The following SYNE2 variants were observed in gnomAD, a reference collection of about 807,000 sequenced individuals.
SYNE2 encodes the protein spectrin repeat containing nuclear envelope protein 2, also known as nesprin-2.
In SYNE2, 431 loss-of-function variants were observed where a neutral mutation model predicts 856.3. That is an observed-to-expected ratio of 0.50 (90% CI 0.47 to 0.55). The LOEUF is 0.55. Ranked by LOEUF, SYNE2 falls within the 20% of genes least tolerant of loss-of-function variation. The pLI, the probability that SYNE2 is intolerant of heterozygous loss-of-function variation, is 0.00. For synonymous variants in SYNE2, 2,923 were observed against 2,872.3 expected (o/e 1.02, Z -0.56); for missense variants, 8,129 against 8,023.2 (o/e 1.01, Z -0.50).
chr14:64,225,617 T>G lies in SYNE2; in HGVS notation c.*91T>G. The G allele has an allele frequency of 7.1e-7, 1 of 1,400,632 alleles. No individual in the cohort carries two copies. The highest frequency in any genetic ancestry group is 1.0e-6 in the Non-Finnish European group (1 of 1,003,930). The allele number at this position is 1,400,632 out of a possible 1,614,324, so 86.8% of individuals were successfully genotyped here. Reference sequence around the variant, plus strand: ...CAGACCAATCTGAGTGACTTAGTGTTGGCAAGGTCCCGGGACCTGTGCAGA... The same window carrying G: ...CAGACCAATCTGAGTGACTTAGTGTGGGCAAGGTCCCGGGACCTGTGCAGA... On this transcript the variant is annotated 3_prime_UTR_variant, in exon 116 of 116. Transcript: ENST00000555002.
intron 46 of SYNE2, 141 bp downstream of exon 46, chr14:64,048,296 A>G (rs543244372): frequency 2.8e-6 from 2 of 704,424 alleles, no homozygotes; most frequent in Non-Finnish European, 4.7e-6. Flanking sequence ...TGGTAACTGT[A>G]TAATTATGTA....
At chr14:64,047,940 A>T (rs1014495714) in intron 45 of SYNE2, 60 bp from the exon 46 acceptor site, 2 of 1,566,114 alleles carry the variant, frequency 1.3e-6, no homozygotes. Context: ...ATCAAGAAAA[A>T]TAAAAAGGAT....
At chr14:64,167,150 T>C (rs2098384523) in intron 90 of SYNE2, 83 bp from the exon 91 acceptor site, 3 of 1,585,378 alleles carry the variant, frequency 1.9e-6, no homozygotes, top group Non-Finnish European at 2.6e-6. Context: ...AGTTTTCCTT[T>C]ATCTTTGAGG....
At chr14:63,955,229 G>A (rs974833372) in intron 8 of SYNE2, among the ~76,000 whole-genome samples, 26 of 151,952 alleles carry the variant, frequency 1.7e-4, no homozygotes, top group African/African-American at 6.3e-4. Flanking sequence ...AATCTCTTTT[G>A]TAAGATGTTT....
At chr14:64,150,641 C>T (rs2098233817) in intron 84 of SYNE2, among the ~76,000 whole-genome samples, 1 of 152,118 alleles carries the variant, frequency 6.6e-6, no homozygotes, top group Non-Finnish European at 1.5e-5. Flanking sequence ...GGAATTATGA[C>T]AGCTTATTAG....
chr14:64,180,312 G>A (rs1337207872), intron 96 of SYNE2, among the ~76,000 whole-genome samples: 1 of 152,102 alleles, frequency 6.6e-6, no homozygotes, highest in Non-Finnish European at 1.5e-5. Flanking sequence ...ATGTCCCTGG[G>A]TCTTTGATCT....
intron 1 of SYNE2, among the ~76,000 whole-genome samples, chr14:63,890,141 G>A (rs2095097492): frequency 6.8e-6 from 1 of 147,112 alleles, no homozygotes; most frequent in Non-Finnish European, 1.5e-5. Context: ...GCTTACTGCA[G>A]CTTCGTCCTG....
intron 1 of SYNE2, among the ~76,000 whole-genome samples, chr14:63,906,470 A>G (rs958668500): frequency 3.9e-5 from 6 of 152,060 alleles, no homozygotes; most frequent in African/African-American, 9.7e-5. Context: ...AAAAAAAATT[A>G]TTATTGGTTC....
At chr14:64,202,161 G>C (rs2098573644) in intron 99 of SYNE2, 2 of 702,084 alleles carry the variant, frequency 2.8e-6, no homozygotes, top group Non-Finnish European at 5.2e-6. Flanking sequence ...CTTGCGTGCA[G>C]ATTTCCTTTG....
At chr14:64,034,968 A>T (rs2097074839) in intron 45 of SYNE2, among the ~76,000 whole-genome samples, 1 of 149,866 alleles carries the variant, frequency 6.7e-6, no homozygotes, top group Admixed American at 6.7e-5. Flanking sequence ...ACAACATTAC[A>T]GCTTATCTAG....
At chr14:63,886,527 A>G (rs2094990073) in intron 1 of SYNE2, among the ~76,000 whole-genome samples, 1 of 152,184 alleles carries the variant, frequency 6.6e-6, no homozygotes, top group African/African-American at 2.4e-5. Flanking sequence ...TGCAGAGTCA[A>G]TTATTAGGTG....
chr14:64,159,357 C>G lies in SYNE2; in HGVS notation c.16009C>G (p.Leu5337Val). 3.1e-6 allele frequency: 5 copies of G among 1,614,008 alleles called. No individual in the cohort carries two copies. The highest frequency in any genetic ancestry group is 4.2e-6 in the Non-Finnish European group (5 of 1,179,906). ...AESSEGSWEK[L>V]QEVIGKLKGL... ...GAGCAGTGAAGGGAGTTGGGAGAAA[C>G]TCCAGGAGGTTATCGGCAAACTCAA... Residue 5337 changes from leucine (L) to valine (V), a missense_variant, in exon 87 of 116, where the codon CTC becomes GTC. Leu to Val is a conservative substitution (Grantham distance 32). Transcript: ENST00000555002.
At chr14:64,157,925 T>A (rs929496140) in intron 85 of SYNE2, among the ~76,000 whole-genome samples, 1 of 152,254 alleles carries the variant, frequency 6.6e-6, no homozygotes, top group Admixed American at 6.5e-5. Flanking sequence ...TTAGTTAGTT[T>A]ATCTGTCTTT....
At chr14:64,216,513 T>A (rs1331099542) in intron 108 of SYNE2, 126 bp downstream of exon 108, 1 of 1,093,726 alleles carries the variant, frequency 9.1e-7, no homozygotes, top group Non-Finnish European at 1.4e-6. Flanking sequence ...TTGGTTTTCT[T>A]ATGGTGACAG....
At chr14:64,042,407 A>G (rs1240710776) in intron 45 of SYNE2, among the ~76,000 whole-genome samples, 1 of 152,204 alleles carries the variant, frequency 6.6e-6, no homozygotes, top group Admixed American at 6.5e-5. Flanking sequence ...AATACAGAAA[A>G]TTATATCACT....
At chr14:63,926,596 G>A (rs991642397) in intron 2 of SYNE2, among the ~76,000 whole-genome samples, 1 of 152,204 alleles carries the variant, frequency 6.6e-6, no homozygotes. Context: ...AAAGCAAGCA[G>A]CAGGTCAAAT....
intron 96 of SYNE2, among the ~76,000 whole-genome samples, chr14:64,180,646 G>C (rs1207863556): frequency 6.6e-6 from 1 of 152,006 alleles, no homozygotes; most frequent in Non-Finnish European, 1.5e-5. Flanking sequence ...TGGGATTATA[G>C]GCACCCGCCA....
At chr14:63,800,533 G>A (rs763673311) in intron 1 of SYNE2, among the ~76,000 whole-genome samples, 2 of 152,150 alleles carry the variant, frequency 1.3e-5, no homozygotes, top group South Asian at 4.1e-4. Flanking sequence ...CAACTGATCC[G>A]CCTGCCTTGG....
chr14:64,175,111 G>A lies in SYNE2; in HGVS notation c.17403G>A (p.Met5801Ile), dbSNP rs2098427539. Reference sequence around the variant, plus strand: ...ACATGGAGCCCCAGCTGGCAGAGATGATTAAGCAGTTCCAGAGCACTGTAG... The same window carrying A: ...ACATGGAGCCCCAGCTGGCAGAGATAATTAAGCAGTTCCAGAGCACTGTAG... ...WKDMEPQLAE[M>I]IKQFQSTVET... The change falls in exon 95 of 116, where the codon ATG becomes ATA. Residue 5801 changes from methionine (M) to isoleucine (I), a missense_variant. Physicochemically the swap from Met to Ile is conservative, Grantham distance 10 (BLOSUM62 1). Coordinates refer to ENST00000555002, the MANE Select transcript of SYNE2 (RefSeq NM_182914.3). 1 of 1,614,000 alleles carries A rather than the reference G, an allele frequency of 6.2e-7. No homozygotes were observed. The highest frequency in any genetic ancestry group is 8.5e-7 in the Non-Finnish European group (1 of 1,179,946).
Sources: gnomAD v4.1 joint callset for allele counts (sites outside exome capture counted in the v4.1 genomes callset) on GRCh38, gnomAD v4.1.1 for gene constraint, MANE v1.5 for transcripts, NCBI Gene and HGNC (gene_info 2026-07-23, HGNC 2026-07-21) for gene names.